The following METTL25 variants were observed in gnomAD, a reference collection of about 807,000 sequenced individuals.
METTL25 encodes probable methyltransferase-like protein 25.
A neutral mutation model predicts 71.6 loss-of-function variants in METTL25; 64 were observed. The ratio of observed to expected loss-of-function variants is 0.89; its 90% CI spans 0.73 to 1.10. METTL25 has a LOEUF of 1.10. METTL25 is among the 50% of genes least tolerant of loss of function. The pLI, the probability that METTL25 is intolerant of heterozygous loss-of-function variation, is 0.00. For synonymous variants in METTL25, 287 were observed against 250.3 expected (o/e 1.15, Z -1.38); for missense variants, 807 against 707.0 (o/e 1.14, Z -1.60).
intron 5 of METTL25, among the ~76,000 whole-genome samples, chr12:82,429,644 A>G (rs1435834603): frequency 6.6e-6 from 1 of 151,554 alleles, no homozygotes; most frequent in Non-Finnish European, 1.5e-5. Flanking sequence ...TGTTTTTCAT[A>G]TGGCTAGCTA....
intron 1 of METTL25, 82 bp downstream of exon 1, chr12:82,358,906 A>C (rs772666255): frequency 6.6e-7 from 1 of 1,509,796 alleles, no homozygotes; most frequent in Non-Finnish European, 9.0e-7. Context: ...GGTGGAAGCC[A>C]GCAGAACCAG....
rs569236924 is a variant in METTL25 at position 82,452,243 on chromosome 12, C to T, written c.1479-4484C>T. Among the ~76,000 whole-genome samples, 12 of 152,230 alleles carry T rather than the reference C, an allele frequency of 7.9e-5. No individual in the cohort carries two copies. The East Asian group carries it at 1.7e-3, about 22-fold the overall frequency. ...ACTGCCATTCCTGAAAAATATAACA[C>T]ACCCCATATTCCTTTTGTGAATAAT... On this transcript the variant is annotated intron_variant, in intron 8 of 11. Transcript: ENST00000248306.
At chr12:82,374,306 A>C (rs997801976) in intron 1 of METTL25, 1 of 152,282 alleles carries the variant, frequency 6.6e-6, no homozygotes, top group Non-Finnish European at 1.5e-5. Flanking sequence ...AGGGGACCTG[A>C]GCAGGTTGCT....
chr12:82,437,473 A>G (rs1890002841), intron 7 of METTL25, among the ~76,000 whole-genome samples: 1 of 151,630 alleles, frequency 6.6e-6, no homozygotes, highest in South Asian at 2.1e-4. Context: ...TGTAAGGAAA[A>G]TGATTGACCC....
chr12:82,438,249 G>A (rs1224248428), intron 7 of METTL25, among the ~76,000 whole-genome samples: 1 of 151,536 alleles, frequency 6.6e-6, no homozygotes, highest in East Asian at 1.9e-4. Flanking sequence ...GACAATCTTT[G>A]TATTTCTTTA....
At chr12:82,387,438 A>G (rs1181436491) in intron 2 of METTL25, among the ~76,000 whole-genome samples, 1 of 152,076 alleles carries the variant, frequency 6.6e-6, no homozygotes, top group African/African-American at 2.4e-5. Flanking sequence ...CATATCTATA[A>G]TAATATTCAA....
At chr12:82,382,758 C>G (rs7309442) in intron 1 of METTL25, among the ~76,000 whole-genome samples, 140,037 of 152,140 alleles carry the variant, frequency 0.92, 64,811 homozygotes, top group East Asian at 1. Flanking sequence ...CTCTGTTGCC[C>G]AGGCTGGAGT....
intron 9 of METTL25, among the ~76,000 whole-genome samples, chr12:82,462,384 C>G (rs889107903): frequency 6.6e-6 from 1 of 152,102 alleles, no homozygotes; most frequent in Non-Finnish European, 1.5e-5. Flanking sequence ...TTCCAAGCCT[C>G]TGGAATCCTC....
At chr12:82,400,895 G>A (rs111755740) in intron 4 of METTL25, among the ~76,000 whole-genome samples, 62 of 152,164 alleles carry the variant, frequency 4.1e-4, no homozygotes, top group African/African-American at 1.4e-3. Context: ...ATACAATAAA[G>A]AATGAGGTTA....
chr12:82,411,860 G>A (rs1052932174), intron 5 of METTL25, among the ~76,000 whole-genome samples: 1 of 152,012 alleles, frequency 6.6e-6, no homozygotes, highest in Non-Finnish European at 1.5e-5. Context: ...CCACGCTTCG[G>A]TATTCCTTGA....
intron 3 of METTL25, among the ~76,000 whole-genome samples, chr12:82,393,731 A>T (rs747192279): frequency 6.6e-6 from 1 of 151,912 alleles, no homozygotes; most frequent in Non-Finnish European, 1.5e-5. Flanking sequence ...CTTTTTCTCT[A>T]TTCAGTATGA....
At chr12:82,367,601 G>T (rs1882707084) in intron 1 of METTL25, among the ~76,000 whole-genome samples, 1 of 152,112 alleles carries the variant, frequency 6.6e-6, no homozygotes, top group Non-Finnish European at 1.5e-5. Context: ...TCTTGCAACA[G>T]AATTTTTGTA....
chr12:82,475,397 A>C (rs943194496), intron 9 of METTL25, among the ~76,000 whole-genome samples: 2 of 152,140 alleles, frequency 1.3e-5, no homozygotes, highest in Admixed American at 6.6e-5. Context: ...GTTCTGTACA[A>C]AGTGGGAGAG....
intron 1 of METTL25, among the ~76,000 whole-genome samples, chr12:82,372,767 C>A (rs556284146): frequency 4.6e-5 from 7 of 152,102 alleles, no homozygotes; most frequent in African/African-American, 1.7e-4. Context: ...AAGACAAAAC[C>A]GCCTGTGATT....
intron 8 of METTL25, chr12:82,451,360 A>G (rs1341832739): frequency 1.9e-6 from 1 of 516,246 alleles, no homozygotes; most frequent in Non-Finnish European, 2.5e-6. Flanking sequence ...TTCTAATCCC[A>G]GTATCCCCAC....
intron 8 of METTL25, among the ~76,000 whole-genome samples, chr12:82,443,462 C>CAAAAAAAAAAAAA (rs67737833): frequency 3.1e-5 from 3 of 96,616 alleles, no homozygotes; most frequent in Non-Finnish European, 4.4e-5. Context: ...CAGAGGAGAC[C>CAAAAAAAAAAAAA]AAAAAAAAAA....
At chr12:82,420,048 T>C (rs1888344640) in intron 5 of METTL25, among the ~76,000 whole-genome samples, 1 of 152,166 alleles carries the variant, frequency 6.6e-6, no homozygotes, top group Non-Finnish European at 1.5e-5. Flanking sequence ...AAGCAAGTCC[T>C]GCCATTTTCT....
In METTL25 at chr12:82,358,658, G is replaced by A. The variant is rs1467815108; in HGVS notation, c.93G>A (p.Leu31=). Residue 31 remains leucine (L), a synonymous_variant, in exon 1 of 12, where the codon CTG becomes CTA. Coordinates refer to ENST00000248306, the MANE Select transcript of METTL25 (RefSeq NM_032230.3). The stretch of plus-strand genomic sequence containing the variant: ...TGCTGCAGTTCCTGAGGGATGCCCT[G>A]TCCATTTCCAATGCACATACCGTGG... ...QGLLQFLRDA[L]SISNAHTVDF... The A allele has an allele frequency of 1.9e-6, 3 of 1,614,060 alleles. No individual in the cohort carries two copies. The highest frequency in any genetic ancestry group is 1.7e-5 in the Admixed American group (1 of 60,006).
At chr12:82,455,430 A>T (rs1891422691) in intron 8 of METTL25, among the ~76,000 whole-genome samples, 1 of 151,944 alleles carries the variant, frequency 6.6e-6, no homozygotes, top group Non-Finnish European at 1.5e-5. Flanking sequence ...TATTCAAGTG[A>T]CTATTAAATC....
Sources: allele counts gnomAD v4.1 joint callset (sites outside exome capture counted in the v4.1 genomes callset), GRCh38; gene constraint gnomAD v4.1.1; transcripts MANE v1.5; gene names NCBI Gene and HGNC (gene_info 2026-07-23, HGNC 2026-07-21).